The following GNA12 variants were observed in gnomAD, a reference collection of about 807,000 sequenced individuals.
The protein encoded by GNA12 is G protein subunit alpha 12.
GNA12 carries 9 observed loss-of-function variants against 26.0 expected under a neutral mutation model. That is an observed-to-expected ratio of 0.35 (90% confidence interval 0.21 to 0.60). The LOEUF (loss-of-function observed/expected upper bound fraction) is 0.60. Ranked by LOEUF, GNA12 falls within the 20% of genes least tolerant of loss-of-function variation. The pLI is 0.78. For missense variants in GNA12, 405 were observed against 525.8 expected (o/e 0.77, Z 2.25); for synonymous variants, 264 against 219.6 (o/e 1.20, Z -1.79).
chr7:2,780,048 G>GTGTATATGTATATA (rs748113158), intron 2 of GNA12, among the ~76,000 whole-genome samples: 1 of 84,734 alleles, frequency 1.2e-5, no homozygotes, highest in Non-Finnish European at 2.2e-5. Flanking sequence ...ACATTTCTGT[G>GTGTATATGTATATA]TACATATATA....
intron 2 of GNA12, among the ~76,000 whole-genome samples, chr7:2,790,890 C>T (rs1265870431): frequency 6.6e-6 from 1 of 151,974 alleles, no homozygotes; most frequent in Admixed American, 6.6e-5. Context: ...GGGTGGTTTG[C>T]CTGAGCCCAG....
At chr7:2,830,571 A>G (rs147357455) in intron 1 of GNA12, among the ~76,000 whole-genome samples, 1 of 152,268 alleles carries the variant, frequency 6.6e-6, no homozygotes, top group East Asian at 1.9e-4. Context: ...CTTCCCCAAA[A>G]TCCACCAGTC....
intron 1 of GNA12, among the ~76,000 whole-genome samples, chr7:2,799,474 C>A (rs1792756838): frequency 6.6e-6 from 1 of 152,030 alleles, no homozygotes. Flanking sequence ...TCCAGCTACT[C>A]AGGAGGCTGA....
intron 2 of GNA12, among the ~76,000 whole-genome samples, chr7:2,781,268 C>T (rs1792220398): frequency 6.6e-6 from 1 of 151,978 alleles, no homozygotes; most frequent in Non-Finnish European, 1.5e-5. Context: ...ACTTTTAGTT[C>T]TTTAAGAAAT....
At position 2,843,848 on chromosome 7, in the gene GNA12, G is replaced by A. The variant is rs1041280435; in HGVS notation, c.309+5C>T. The A allele has an allele frequency of 1.4e-6, 2 of 1,463,948 alleles. No homozygotes were observed. Among genetic ancestry groups the A allele is most frequent in the African/African-American group, 1.5e-5 (1 of 68,658 alleles). 90.7% of individuals were successfully genotyped at this position (1,463,948 alleles called of 1,614,324 possible). A position where few individuals can be genotyped will look rare whatever the true frequency, so the allele number is the denominator to read the frequency against. The stretch of plus-strand genomic sequence containing the variant: ...TGCAGGTGCTGGGCGGGGGGCGCGC[G>A]TCACCTTGAGGATGTTGTCGAAGAT... On this transcript the variant is annotated splice_donor_5th_base_variant and intron_variant, in intron 1 of 3. Transcript: ENST00000275364.
chr7:2,802,642 G>A (rs960503671), intron 1 of GNA12, among the ~76,000 whole-genome samples: 1 of 152,124 alleles, frequency 6.6e-6, no homozygotes, highest in East Asian at 1.9e-4. Context: ...TGAAGATTCT[G>A]GATGTTCACT....
chr7:2,748,136 C>T (rs1393025830), intron 2 of GNA12, among the ~76,000 whole-genome samples: 3 of 150,974 alleles, frequency 2.0e-5, no homozygotes, highest in Admixed American at 1.3e-4. Flanking sequence ...CAATGACTTT[C>T]TTCACAGAAT....
chr7:2,813,297 C>T (rs1020503637), intron 1 of GNA12, among the ~76,000 whole-genome samples: 3 of 152,134 alleles, frequency 2.0e-5, no homozygotes, highest in Non-Finnish European at 2.9e-5. Flanking sequence ...TTGAGGAAAC[C>T]GGCTTTCTCC....
chr7:2,840,780 G>A (rs550427945), intron 1 of GNA12, among the ~76,000 whole-genome samples: 1 of 152,084 alleles, frequency 6.6e-6, no homozygotes, highest in Non-Finnish European at 1.5e-5. Context: ...AGCCCACGAG[G>A]CGACGCAAGG....
intron 2 of GNA12, among the ~76,000 whole-genome samples, chr7:2,767,663 G>A (rs1228514127): frequency 6.6e-6 from 1 of 152,096 alleles, no homozygotes; most frequent in African/African-American, 2.4e-5. Flanking sequence ...TTCTTCATTT[G>A]TATTGTAACT....
intron 1 of GNA12, 133 bp downstream of exon 1, chr7:2,843,720 G>A: frequency 4.6e-6 from 2 of 438,974 alleles, no homozygotes; most frequent in Non-Finnish European, 8.0e-6. Context: ...GGAGTGGGGT[G>A]CAGGCGGGGC....
chr7:2,836,700 G>C (rs1444358455), intron 1 of GNA12, among the ~76,000 whole-genome samples: 1 of 151,846 alleles, frequency 6.6e-6, no homozygotes, highest in African/African-American at 2.4e-5. Flanking sequence ...GAGGCGGGTG[G>C]ATCACCTGAG....
intron 1 of GNA12, among the ~76,000 whole-genome samples, chr7:2,813,058 T>C (rs1793125481): frequency 6.6e-6 from 1 of 152,150 alleles, no homozygotes; most frequent in African/African-American, 2.4e-5. Flanking sequence ...CCTGAGTAGC[T>C]GGGAATTACC....
chr7:2,752,492 T>C (rs970190096), intron 2 of GNA12, among the ~76,000 whole-genome samples: 1 of 152,106 alleles, frequency 6.6e-6, no homozygotes, highest in Non-Finnish European at 1.5e-5. Context: ...ACACAGGGAC[T>C]GGAAAGCAAG....
chr7:2,742,575 T>C (rs11767743), intron 2 of GNA12, among the ~76,000 whole-genome samples: 1 of 152,188 alleles, frequency 6.6e-6, no homozygotes. Context: ...GTGCTCAAAG[T>C]GAAGAAAGCA....
chr7:2,740,860 T>TGGTGAAACCCTG (rs1790463573), intron 2 of GNA12, among the ~76,000 whole-genome samples: 1 of 152,160 alleles, frequency 6.6e-6, no homozygotes, highest in South Asian at 2.1e-4. Flanking sequence ...CTGACTAGCA[T>TGGTGAAACCCTG]GGTGAAACCC....
chr7:2,777,002 G>A (rs1482594271), intron 2 of GNA12, among the ~76,000 whole-genome samples: 2 of 152,126 alleles, frequency 1.3e-5, no homozygotes, highest in African/African-American at 4.8e-5. Flanking sequence ...ATGGGGGTGG[G>A]TTGTGCCTTT....
intron 2 of GNA12, among the ~76,000 whole-genome samples, chr7:2,739,269 C>T (rs1790375969): frequency 6.6e-6 from 1 of 152,204 alleles, no homozygotes; most frequent in Non-Finnish European, 1.5e-5. Flanking sequence ...CTTCTACAGC[C>T]TATCAGCCGC....
chr7:2,745,827 C>T (rs1373802131), intron 2 of GNA12, among the ~76,000 whole-genome samples: 1 of 152,180 alleles, frequency 6.6e-6, no homozygotes, highest in Non-Finnish European at 1.5e-5. Context: ...GCAGGAAGAT[C>T]TACCAAGCAA....
Sources: gnomAD v4.1 joint callset for allele counts (sites outside exome capture counted in the v4.1 genomes callset) on GRCh38, gnomAD v4.1.1 for gene constraint, MANE v1.5 for transcripts, NCBI Gene and HGNC (gene_info 2026-07-23, HGNC 2026-07-21) for gene names.